HOOK3: variants seen among roughly 807,000 people sequenced by gnomAD.
HOOK3 encodes the protein protein Hook homolog 3.
In HOOK3, 24 loss-of-function variants were observed where a neutral mutation model predicts 116.3. The ratio of observed to expected loss-of-function variants is 0.21; its 90% CI spans 0.15 to 0.29. HOOK3 has a LOEUF of 0.29. HOOK3 is among the 10% of genes least tolerant of loss of function. The probability of loss-of-function intolerance (pLI) is 1.00; values close to 1 mark genes in which losing one functional copy is unlikely to be tolerated. For synonymous variants in HOOK3, 275 were observed against 283.0 expected (o/e 0.97, Z 0.28); for missense variants, 632 against 830.2 (o/e 0.76, Z 2.93).
At chr8:43,010,482 C>T (rs1319060367) in intron 19 of HOOK3, 77 bp downstream of exon 19, 3 of 395,916 alleles carry the variant, frequency 7.6e-6, no homozygotes, top group Non-Finnish European at 9.1e-6. Context: ...AATGGACGGA[C>T]ACTACAGCAA....
intron 6 of HOOK3, among the ~76,000 whole-genome samples, chr8:42,954,162 G>A (rs895829281): frequency 6.6e-6 from 1 of 152,126 alleles, no homozygotes; most frequent in African/African-American, 2.4e-5. Flanking sequence ...ACAATATTAT[G>A]ATCCCATTTC....
chr8:42,928,804 G>A (rs1006867591), intron 3 of HOOK3, among the ~76,000 whole-genome samples: 2 of 152,168 alleles, frequency 1.3e-5, no homozygotes, highest in Non-Finnish European at 2.9e-5. Flanking sequence ...CATTTTGGGA[G>A]GCCAAGGTGG....
chr8:43,014,285 GAAAA>G (rs1195987584), intron 21 of HOOK3, among the ~76,000 whole-genome samples: 1,276 of 66,682 alleles, frequency 0.019, 12 homozygotes, highest in Non-Finnish European at 0.027. Context: ...GACTGTCTCA[GAAAA>G]AAAAAAAAAA....
intron 15 of HOOK3, among the ~76,000 whole-genome samples, chr8:42,991,108 A>G (rs1809152002): frequency 6.6e-6 from 1 of 152,136 alleles, no homozygotes; most frequent in Non-Finnish European, 1.5e-5. Flanking sequence ...GTAGGTGTAT[A>G]GATTTATCTC....
At chr8:42,984,540 G>A (rs1474417411) in intron 14 of HOOK3, among the ~76,000 whole-genome samples, 7 of 152,084 alleles carry the variant, frequency 4.6e-5, no homozygotes, top group Non-Finnish European at 8.8e-5. Flanking sequence ...ATAAATAAGT[G>A]GTTATGTCCA....
intron 5 of HOOK3, among the ~76,000 whole-genome samples, chr8:42,943,767 A>G (rs1377220736): frequency 2.6e-5 from 4 of 152,208 alleles, no homozygotes; most frequent in Non-Finnish European, 5.9e-5. Context: ...GAGCAGAGAC[A>G]TACAGCAGTT....
intron 7 of HOOK3, among the ~76,000 whole-genome samples, chr8:42,958,158 A>G (rs1245676935): frequency 6.6e-6 from 1 of 152,132 alleles, no homozygotes; most frequent in Non-Finnish European, 1.5e-5. Context: ...ATGAAGTGTT[A>G]ATTACATTGT....
intron 2 of HOOK3, among the ~76,000 whole-genome samples, chr8:42,908,274 A>G (rs1807354663): frequency 6.6e-6 from 1 of 152,238 alleles, no homozygotes; most frequent in Non-Finnish European, 1.5e-5. Context: ...CATTCCCTAT[A>G]AAAACTCCAA....
intron 15 of HOOK3, among the ~76,000 whole-genome samples, chr8:42,995,769 C>T (rs553033824): frequency 6.6e-6 from 1 of 152,312 alleles, no homozygotes; most frequent in East Asian, 1.9e-4. Flanking sequence ...GTCTTCCCTT[C>T]TCAGCGAATA....
Position 42,974,202 on chromosome 8 carries a change from C to A in HOOK3, c.1321+8C>A, listed in dbSNP as rs1447467100. 2 of 1,601,592 alleles carry A rather than the reference C, an allele frequency of 1.2e-6. No homozygotes were observed. The highest frequency in any genetic ancestry group is 1.7e-6 in the Non-Finnish European group (2 of 1,169,148). ...GGCAGCTCACAACACAAGGTAAAAA[C>A]GTTTTGCGAGTACAAACCAGATGAT... On this transcript the variant is annotated splice_region_variant and intron_variant, in intron 13 of 21. Transcript: ENST00000307602.
At position 43,019,195 on chromosome 8, in the gene HOOK3, T is replaced by G. The variant is rs999545910; in HGVS notation, c.*697T>G. 2.4e-5 allele frequency: 5 copies of G among 212,050 alleles called. No individual in the cohort carries two copies. Among genetic ancestry groups the G allele is most frequent in the Admixed American group, 5.9e-5 (1 of 17,044 alleles). 13.1% of individuals were successfully genotyped at this position (212,050 alleles called of 1,614,324 possible). On this transcript the variant is annotated 3_prime_UTR_variant, in exon 22 of 22. Transcript: ENST00000307602. ...CATTATTTCCTGCTATCTTGTTTGC[T>G]GGCAGAAGTGAATGTTTGGTGAGGT...
intron 7 of HOOK3, among the ~76,000 whole-genome samples, 152 bp from the exon 8 acceptor site, chr8:42,959,078 GT>G (rs1163375759): frequency 6.6e-6 from 1 of 152,164 alleles, no homozygotes; most frequent in Non-Finnish European, 1.5e-5. Flanking sequence ...AAAGTGCTGT[GT>G]TTGTACTCTT....
intron 13 of HOOK3, among the ~76,000 whole-genome samples, chr8:42,979,302 C>T (rs374056245): frequency 6.6e-6 from 1 of 152,118 alleles, no homozygotes; most frequent in Non-Finnish European, 1.5e-5. Flanking sequence ...CTTTTAAGTA[C>T]ATCAGACTTC....
At position 43,022,378 on chromosome 8, in the gene HOOK3, G is replaced by A. The variant is rs2130501917; in HGVS notation, c.*3880G>A. On this transcript the variant is annotated 3_prime_UTR_variant, in exon 22 of 22. Transcript: ENST00000307602. ...TCCTGGGGCCACGTTGGCTTGTGCAGTGGAGCTTGTCCAGGCACCAGCATG... is the reference window on the plus strand; with the variant it reads ...TCCTGGGGCCACGTTGGCTTGTGCAATGGAGCTTGTCCAGGCACCAGCATG... The A allele has an allele frequency of 4.9e-6, 1 of 205,198 alleles. No individual in the cohort carries two copies. The highest frequency in any genetic ancestry group is 1.0e-5 in the Non-Finnish European group (1 of 100,248). 12.7% of individuals were successfully genotyped at this position (205,198 alleles called of 1,614,324 possible). A position where few individuals can be genotyped will look rare whatever the true frequency, so the allele number is the denominator to read the frequency against.
chr8:42,936,818 C>T (rs1447284898), intron 4 of HOOK3, among the ~76,000 whole-genome samples: 3 of 152,054 alleles, frequency 2.0e-5, no homozygotes, highest in East Asian at 1.9e-4. Flanking sequence ...ATTTTTTCAT[C>T]GATGTTCATC....
At chr8:42,952,498 A>G (rs183588876) in intron 6 of HOOK3, among the ~76,000 whole-genome samples, 108 of 152,258 alleles carry the variant, frequency 7.1e-4, no homozygotes, top group Admixed American at 1.2e-3. Context: ...ATGATGTCCA[A>G]ATCAATTTTC....
Position 42,930,104 on chromosome 8 carries a change from TTCTC to T in HOOK3, c.217-12_217-9del. 1 of 1,551,524 alleles carries T rather than the reference TTCTC, an allele frequency of 6.4e-7. No individual in the cohort carries two copies. On this transcript the variant is annotated splice_polypyrimidine_tract_variant and intron_variant, in intron 3 of 21. Coordinates refer to ENST00000307602, the MANE Select transcript of HOOK3 (RefSeq NM_032410.4). Reference sequence around the variant, plus strand: ...CTGTCTTGCCTTTTACCCAGTTGTTTTCTCTCTCTTTAAACAGATAAGCAATTTA... The same window carrying T: ...CTGTCTTGCCTTTTACCCAGTTGTTTTCTCTTTAAACAGATAAGCAATTTA...
At chr8:42,899,551 AT>A (rs773409811) in intron 1 of HOOK3, among the ~76,000 whole-genome samples, 1 of 152,262 alleles carries the variant, frequency 6.6e-6, no homozygotes, top group Non-Finnish European at 1.5e-5. Context: ...TGACATTTAA[AT>A]GTATAATATC....
chr8:42,909,580 T>C (rs1189262328), intron 2 of HOOK3, among the ~76,000 whole-genome samples: 1 of 152,178 alleles, frequency 6.6e-6, no homozygotes, highest in Non-Finnish European at 1.5e-5. Context: ...CCTCCCACCA[T>C]AGTCTCCCTT....
Sources: allele counts gnomAD v4.1 joint callset (sites outside exome capture counted in the v4.1 genomes callset), GRCh38; gene constraint gnomAD v4.1.1; transcripts MANE v1.5; gene names NCBI Gene and HGNC (gene_info 2026-07-23, HGNC 2026-07-21).